The following ADCY5 variants were observed in gnomAD, a reference collection of about 807,000 sequenced individuals.
ADCY5 encodes the protein adenylate cyclase type 5.
ADCY5 carries 30 observed loss-of-function variants against 119.7 expected under a neutral mutation model. The observed-to-expected ratio is 0.25, with a 90% CI of 0.19 to 0.34. The LOEUF is 0.34. Ranked by LOEUF, ADCY5 falls within the 10% of genes least tolerant of loss-of-function variation. The pLI is 1.00. For missense variants in ADCY5, 1,324 were observed against 1,775.2 expected (o/e 0.75, Z 4.57); for synonymous variants, 753 against 762.2 (o/e 0.99, Z 0.20).
At chr3:123,302,841 C>G (rs959527852) in intron 14 of ADCY5, among the ~76,000 whole-genome samples, 3 of 152,150 alleles carry the variant, frequency 2.0e-5, no homozygotes, top group Non-Finnish European at 1.5e-5. Flanking sequence ...ACAGCTACAC[C>G]GCTTTAACAG....
At chr3:123,383,080 T>C (rs1944085877) in intron 1 of ADCY5, among the ~76,000 whole-genome samples, 1 of 151,040 alleles carries the variant, frequency 6.6e-6, no homozygotes, top group Non-Finnish European at 1.5e-5. Flanking sequence ...CCCCGAGCCT[T>C]GCTAACAGGT....
intron 17 of ADCY5, among the ~76,000 whole-genome samples, chr3:123,295,639 C>T (rs1288740614): frequency 2.0e-5 from 3 of 152,190 alleles, no homozygotes; most frequent in Non-Finnish European, 4.4e-5. Context: ...GGTGCCAGTT[C>T]CCTACCCTGG....
At chr3:123,315,924 C>T (rs1456152293) in intron 11 of ADCY5, among the ~76,000 whole-genome samples, 1 of 152,104 alleles carries the variant, frequency 6.6e-6, no homozygotes, top group African/African-American at 2.4e-5. Flanking sequence ...CACATCAGTA[C>T]AGAAAGATGG....
intron 1 of ADCY5, among the ~76,000 whole-genome samples, chr3:123,415,930 A>C (rs913875958): frequency 6.6e-6 from 1 of 152,230 alleles, no homozygotes; most frequent in African/African-American, 2.4e-5. Context: ...GAAAAAAAGA[A>C]AAAAGAGTAA....
chr3:123,303,713 T>G (rs1401442998), intron 13 of ADCY5, among the ~76,000 whole-genome samples: 1 of 152,046 alleles, frequency 6.6e-6, no homozygotes, highest in Non-Finnish European at 1.5e-5. Flanking sequence ...TAGTCCCAGC[T>G]ACTTGGGAGG....
rs1228891286 is a variant in ADCY5 at position 123,447,863 on chromosome 3, C to T, written c.683G>A (p.Arg228Gln). 3.1e-6 allele frequency: 5 copies of T among 1,612,482 alleles called. No individual in the cohort carries two copies. Among genetic ancestry groups the T allele is most frequent in the African/African-American group, 1.3e-5 (1 of 74,912 alleles). Residue 228 changes from arginine to glutamine, a missense_variant, in exon 1 of 21, where the codon CGG (arginine) becomes CAG (glutamine). This residue lies in a region of ADCY5 where 585 missense variants were observed against 569.9 expected (regional missense o/e 1.03). Coordinates refer to ENST00000462833, the MANE Select transcript of ADCY5 (RefSeq NM_183357.3). ...GCGGAAGAAGTAGCGCTGGTACAGCCGCTCCAGTTTGTCCGACGGGAACTT... is the reference window on the plus strand; with the variant it reads ...GCGGAAGAAGTAGCGCTGGTACAGCTGCTCCAGTTTGTCCGACGGGAACTT... ...SKKFPSDKLE[R>Q]LYQRYFFRLN...
At chr3:123,427,385 G>C (rs1945436482) in intron 1 of ADCY5, among the ~76,000 whole-genome samples, 1 of 152,150 alleles carries the variant, frequency 6.6e-6, no homozygotes, top group South Asian at 2.1e-4. Context: ...TCCCAACCCA[G>C]TCCCACTTAC....
At chr3:123,407,136 T>G (rs1396281357) in intron 1 of ADCY5, among the ~76,000 whole-genome samples, 1 of 152,044 alleles carries the variant, frequency 6.6e-6, no homozygotes, top group African/African-American at 2.4e-5. Context: ...ATCCTCCCAC[T>G]CTGACCTCTG....
intron 1 of ADCY5, among the ~76,000 whole-genome samples, chr3:123,396,730 GA>G (rs1559860520): frequency 6.2e-4 from 5 of 8,128 alleles, no homozygotes; most frequent in South Asian, 0.017. Context: ...AGGGAGGGAG[GA>G]AGGAAGGAAG....
intron 12 of ADCY5, among the ~76,000 whole-genome samples, chr3:123,307,721 T>A (rs1313364368): frequency 6.6e-6 from 1 of 152,300 alleles, no homozygotes; most frequent in Middle Eastern, 3.4e-3. Context: ...CATCCACTGA[T>A]TGAGAGGCTT....
At chr3:123,344,527 G>A (rs1036577522) in intron 3 of ADCY5, among the ~76,000 whole-genome samples, 4 of 152,178 alleles carry the variant, frequency 2.6e-5, no homozygotes, top group Admixed American at 2.6e-4. Flanking sequence ...TTACGCAGAT[G>A]AGGAAACTGA....
intron 14 of ADCY5, 150 bp downstream of exon 14, chr3:123,302,905 A>G: frequency 1.2e-6 from 1 of 856,646 alleles, no homozygotes; most frequent in South Asian, 1.8e-5. Context: ...ACTGGCATGT[A>G]GGAGTGAGAG....
At chr3:123,341,296 TA>T (rs1419120012) in intron 3 of ADCY5, among the ~76,000 whole-genome samples, 1 of 151,892 alleles carries the variant, frequency 6.6e-6, no homozygotes, top group African/African-American at 2.4e-5. Flanking sequence ...ATTCAGCCCT[TA>T]AAAAGGAAGA....
Position 123,352,659 on chromosome 3 carries a change from T to C in ADCY5, c.1135-78A>G. The C allele has an allele frequency of 1.3e-6, 2 of 1,488,562 alleles. No homozygotes were observed. The highest frequency in any genetic ancestry group is 1.8e-6 in the Non-Finnish European group (2 of 1,108,748). 92.2% of individuals were successfully genotyped at this position (1,488,562 alleles called of 1,614,324 possible). On this transcript the variant is annotated intron_variant, in intron 1 of 20. Transcript: ENST00000462833. This position sits in a 1 kb window ranked among gnomAD's most constrained non-coding sequence, Gnocchi z 4.8. ...CAAAGCATGAAGCCCTCAGCCCCTG[T>C]CTCAGCAAACTCACACCTGGCGCTA... is the stretch of plus-strand genomic sequence containing the variant.
chr3:123,406,902 G>A (rs1426823023), intron 1 of ADCY5, among the ~76,000 whole-genome samples: 3 of 152,148 alleles, frequency 2.0e-5, no homozygotes, highest in Admixed American at 2.0e-4. Flanking sequence ...CCACCCTGCA[G>A]GCCAAGCCGC....
intron 12 of ADCY5, among the ~76,000 whole-genome samples, chr3:123,305,018 T>C (rs1322079161): frequency 6.6e-6 from 1 of 152,240 alleles, no homozygotes; most frequent in East Asian, 1.9e-4. Flanking sequence ...GCCTATCTGC[T>C]ACAGACAAGC....
At chr3:123,332,902 T>C (rs1195533324) in intron 3 of ADCY5, among the ~76,000 whole-genome samples, 1 of 151,820 alleles carries the variant, frequency 6.6e-6, no homozygotes, top group African/African-American at 2.4e-5. Flanking sequence ...CTACAAGAGT[T>C]TGCCACCCTA....
intron 10 of ADCY5, 116 bp from the exon 11 acceptor site, chr3:123,318,233 C>T: frequency 2.8e-6 from 2 of 721,500 alleles, no homozygotes; most frequent in Non-Finnish European, 4.8e-6. Flanking sequence ...GTGCAGCCCA[C>T]TCCCACAACA....
intron 1 of ADCY5, among the ~76,000 whole-genome samples, chr3:123,384,671 C>T (rs1306972255): frequency 6.6e-6 from 1 of 152,152 alleles, no homozygotes; most frequent in Non-Finnish European, 1.5e-5. Context: ...TGCCCCCTCC[C>T]CAGTAAAGCC....
Sources: gnomAD v4.1 joint callset for allele counts (sites outside exome capture counted in the v4.1 genomes callset) on GRCh38, gnomAD v4.1.1 for gene constraint, gnomAD v4.1.1 regional missense constraint, Gnocchi (gnomAD v3.1) non-coding constraint, MANE v1.5 for transcripts, NCBI Gene and HGNC (gene_info 2026-07-23, HGNC 2026-07-21) for gene names.